Variants in PLXDC2 observed in about 807,000 individuals in gnomAD.
PLXDC2 encodes plexin domain containing 2, also known as plexin domain-containing protein 2.
Under a neutral mutation model 68.9 loss-of-function variants are expected in PLXDC2, and 40 were observed. The ratio of observed to expected loss-of-function variants is 0.58; its 90% CI spans 0.45 to 0.76. The LOEUF is 0.76. Among genes scored for constraint, PLXDC2 ranks in the 30% least tolerant of loss-of-function variants. The probability of loss-of-function intolerance (pLI) is 0.00; values close to 1 mark genes in which losing one functional copy is unlikely to be tolerated. For missense variants in PLXDC2, 644 were observed against 661.9 expected (o/e 0.97, Z 0.30); for synonymous variants, 243 against 234.2 (o/e 1.04, Z -0.34).
intron 1 of PLXDC2, among the ~76,000 whole-genome samples, chr10:19,982,531 A>G (rs903412257): frequency 8.5e-5 from 13 of 152,228 alleles, no homozygotes; most frequent in African/African-American, 3.1e-4. Context: ...CAATGTTAGG[A>G]CAGTAAAATT....
At chr10:20,127,548 C>T (rs1833809714) in intron 4 of PLXDC2, among the ~76,000 whole-genome samples, 1 of 152,130 alleles carries the variant, frequency 6.6e-6, no homozygotes, top group Non-Finnish European at 1.5e-5. Flanking sequence ...ATAGAATATT[C>T]AACATGTACA....
Position 20,245,351 on chromosome 10 carries a change from C to A in PLXDC2, c.1319C>A (p.Thr440Lys), listed in dbSNP as rs753259771. The A allele has an allele frequency of 1.2e-6, 2 of 1,610,364 alleles. No homozygotes were observed. The highest frequency in any genetic ancestry group is 8.5e-7 in the Non-Finnish European group (1 of 1,178,318). Reference sequence around the variant, plus strand: ...AGCTGGGATGTTCTTTCAGCTTCTACAGATGACAGTGCAGCTGAGAAGAAA... The same window carrying A: ...AGCTGGGATGTTCTTTCAGCTTCTAAAGATGACAGTGCAGCTGAGAAGAAA... ...ALHLKDNGAS[T>K]DDSAAEKKGG... The change falls in exon 13 of 14, where the codon ACA (threonine) becomes AAA (lysine). Residue 440 changes from threonine to lysine, a missense_variant. Thr to Lys is a moderately conservative substitution (Grantham distance 78, BLOSUM62 -1). Around this residue, in one of 3 missense-constraint regions of PLXDC2, gnomAD observed 330 missense variants for 327.9 expected, o/e 1.01. Coordinates refer to ENST00000377252, the MANE Select transcript of PLXDC2 (RefSeq NM_032812.9).
rs572790785 is a variant in PLXDC2, at chr10:19,974,447, A to G, written c.113-27328A>G. On this transcript the variant is annotated intron_variant, in intron 1 of 13. Transcript: ENST00000377252. The stretch of plus-strand genomic sequence containing the variant: ...GGAAATATGAAGTCGTTCAAAGGCC[A>G]TACTTCACTGGCTGATGGCTGGACT... 7.9e-5 allele frequency among the ~76,000 whole-genome samples: 12 copies of G among 152,384 alleles called. No individual in the cohort carries two copies. In the South Asian group the frequency reaches 2.1e-3, roughly 26 times the overall value.
intron 13 of PLXDC2, among the ~76,000 whole-genome samples, chr10:20,255,051 A>G (rs575892942): frequency 3.9e-4 from 59 of 152,338 alleles, no homozygotes; most frequent in Non-Finnish European, 7.9e-4. Flanking sequence ...GGGGAGAATT[A>G]CTGAAAATAC....
intron 3 of PLXDC2, among the ~76,000 whole-genome samples, chr10:20,051,246 A>G (rs904026319): frequency 6.6e-6 from 1 of 151,770 alleles, no homozygotes; most frequent in Non-Finnish European, 1.5e-5. Context: ...GGTGGATGGT[A>G]GGAGGAGGCA....
intron 4 of PLXDC2, among the ~76,000 whole-genome samples, chr10:20,109,590 T>A (rs915994051): frequency 1.3e-5 from 2 of 152,178 alleles, no homozygotes; most frequent in African/African-American, 2.4e-5. Context: ...AGTTTGATAT[T>A]CTTAATGATT....
chr10:20,003,612 A>G (rs968293848), intron 2 of PLXDC2, among the ~76,000 whole-genome samples: 3 of 152,038 alleles, frequency 2.0e-5, no homozygotes, highest in East Asian at 1.9e-4. Context: ...TTGTATTTTT[A>G]GTAAGGACGG....
chr10:19,935,366 A>G (rs562298132), intron 1 of PLXDC2, among the ~76,000 whole-genome samples: 2 of 152,170 alleles, frequency 1.3e-5, no homozygotes, highest in Admixed American at 1.3e-4. Context: ...AATAATCTGC[A>G]CTCTGGAAAT....
intron 13 of PLXDC2, among the ~76,000 whole-genome samples, chr10:20,265,207 A>G (rs1835854950): frequency 6.6e-6 from 1 of 152,212 alleles, no homozygotes; most frequent in Admixed American, 6.5e-5. Flanking sequence ...GAACTCTGCC[A>G]ATGTTCTTTC....
intron 12 of PLXDC2, among the ~76,000 whole-genome samples, chr10:20,232,458 G>C (rs1835377701): frequency 6.6e-6 from 1 of 152,028 alleles, no homozygotes; most frequent in African/African-American, 2.4e-5. Flanking sequence ...ATTCATAATT[G>C]TCAATAACTA....
chr10:20,243,434 C>T (rs1421002336), intron 12 of PLXDC2, among the ~76,000 whole-genome samples: 2 of 152,004 alleles, frequency 1.3e-5, no homozygotes, highest in Non-Finnish European at 2.9e-5. Context: ...ATTTCTGTTA[C>T]ATAAGGGAAA....
At chr10:20,136,808 G>A (rs1213312606) in intron 4 of PLXDC2, among the ~76,000 whole-genome samples, 1 of 152,190 alleles carries the variant, frequency 6.6e-6, no homozygotes, top group Non-Finnish European at 1.5e-5. Context: ...TTAACTAAAA[G>A]ATGATGAAGT....
intron 1 of PLXDC2, among the ~76,000 whole-genome samples, chr10:19,933,515 T>A (rs1364960687): frequency 1.3e-5 from 2 of 151,834 alleles, no homozygotes; most frequent in Admixed American, 1.3e-4. Context: ...GCACCTATCA[T>A]CCCAGCTACT....
At chr10:19,845,743 C>T (rs1357357558) in intron 1 of PLXDC2, among the ~76,000 whole-genome samples, 1 of 152,152 alleles carries the variant, frequency 6.6e-6, no homozygotes, top group Non-Finnish European at 1.5e-5. Context: ...CTATTTATAC[C>T]ACTTTTAATT....
intron 6 of PLXDC2, among the ~76,000 whole-genome samples, chr10:20,149,118 G>A (rs1422774777): frequency 6.7e-6 from 1 of 149,568 alleles, no homozygotes; most frequent in East Asian, 2.0e-4. Context: ...ATGTGTAGGT[G>A]TCTTATATAG....
intron 12 of PLXDC2, among the ~76,000 whole-genome samples, chr10:20,239,770 C>T (rs1473524284): frequency 6.6e-6 from 1 of 152,106 alleles, no homozygotes. Flanking sequence ...AACAATCAGT[C>T]GAGCCACATA....
intron 12 of PLXDC2, among the ~76,000 whole-genome samples, chr10:20,235,901 G>T (rs138113148): frequency 3.3e-4 from 50 of 152,116 alleles, no homozygotes; most frequent in African/African-American, 1.2e-3. Context: ...AAAGTGCTTC[G>T]TCGGCCTATT....
chr10:20,223,358 G>A (rs970946186), intron 12 of PLXDC2, among the ~76,000 whole-genome samples: 13 of 137,480 alleles, frequency 9.5e-5, no homozygotes, highest in African/African-American at 3.2e-4. Context: ...TGTCCCCCCG[G>A]CTGGAGTGCA....
At chr10:19,829,016 A>G (rs144385415) in intron 1 of PLXDC2, among the ~76,000 whole-genome samples, 290 of 152,130 alleles carry the variant, frequency 1.9e-3, no homozygotes, top group Admixed American at 4.3e-3. Flanking sequence ...CGTTGCTCTC[A>G]TGCTGAAGGT....
Sources: allele counts gnomAD v4.1 joint callset (sites outside exome capture counted in the v4.1 genomes callset), GRCh38; gene constraint gnomAD v4.1.1; regional missense constraint gnomAD v4.1.1; transcripts MANE v1.5; gene names NCBI Gene and HGNC (gene_info 2026-07-23, HGNC 2026-07-21).